Variants in SLC30A3 observed in about 807,000 individuals in gnomAD.
SLC30A3 encodes the protein solute carrier family 30 member 3, also known as probable proton-coupled zinc antiporter SLC30A3.
Under a neutral mutation model 35.6 loss-of-function variants are expected in SLC30A3, and 20 were observed. That is an observed-to-expected ratio of 0.56 (90% confidence interval 0.39 to 0.82). The LOEUF (loss-of-function observed/expected upper bound fraction) is 0.82. SLC30A3 is among the 40% of genes least tolerant of loss of function. SLC30A3 has a pLI of 0.00. For missense variants in SLC30A3, 401 were observed against 530.6 expected (o/e 0.76, Z 2.40); for synonymous variants, 217 against 224.7 (o/e 0.97, Z 0.31).
At chr2:27,259,592 A>G (rs1677071452) in intron 1 of SLC30A3, among the ~76,000 whole-genome samples, 1 of 151,942 alleles carries the variant, frequency 6.6e-6, no homozygotes, top group African/African-American at 2.4e-5. Context: ...GCCTCAAGCG[A>G]TCCTCCTACC....
intron 1 of SLC30A3, 75 bp from the exon 2 acceptor site, chr2:27,259,009 G>T: frequency 2.4e-6 from 3 of 1,230,670 alleles, no homozygotes; most frequent in Non-Finnish European, 3.4e-6. Flanking sequence ...TTAGTCCCCA[G>T]TGCTGGCCTC....
chr2:27,266,885 G>T (rs909560160), upstream of SLC30A3, among the ~76,000 whole-genome samples: 1 of 152,158 alleles, frequency 6.6e-6, no homozygotes, highest in Non-Finnish European at 1.5e-5. Context: ...TGACAGGTGA[G>T]ATTCCATCTC....
In SLC30A3 at chr2:27,258,796, A is replaced by G; in HGVS notation, c.234T>C (p.Ala78=). The part of the protein sequence containing the change: ...ERLHARRQLY[A]ACAVCFVFMA... ...TGAAGACAAAGCAAACGGCACAGGC[A>G]GCATATAGCTGCCTCCGTGCATGCA... The change falls in exon 2 of 8, where the codon GCT becomes GCC. Residue 78 remains alanine, a synonymous_variant. Coordinates refer to ENST00000233535, the MANE Select transcript of SLC30A3 (RefSeq NM_003459.5). The surrounding 1 kb of genome is among the most constrained non-coding windows in gnomAD (Gnocchi z 4.0). 3.7e-6 allele frequency: 6 copies of G among 1,614,246 alleles called. No homozygotes were observed. Among genetic ancestry groups the G allele is most frequent in the Non-Finnish European group, 3.4e-6 (4 of 1,180,040 alleles).
chr2:27,263,899 C>T, upstream of SLC30A3: 1 of 513,152 alleles, frequency 1.9e-6, no homozygotes, highest in East Asian at 6.9e-5. Flanking sequence ...GGCAGCGGGG[C>T]AGCGTGTCAG....
At chr2:27,275,306 G>A (rs1677962868) in exon 1 of SLC30A3, 3 of 948,874 alleles carry the variant, frequency 3.2e-6, no homozygotes, top group Non-Finnish European at 3.0e-6. Context: ...TGGCAGCAAC[G>A]CTCCTACGCT....
At chr2:27,263,220 C>T, upstream of SLC30A3, 2 of 764,714 alleles carry the variant, frequency 2.6e-6, no homozygotes, top group South Asian at 2.0e-5. Context: ...GCCCCGCCAC[C>T]CGAGTTCTGG....
At chr2:27,274,958 C>A (rs1677937273) in intron 1 of SLC30A3, among the ~76,000 whole-genome samples, 1 of 152,150 alleles carries the variant, frequency 6.6e-6, no homozygotes, top group Non-Finnish European at 1.5e-5. Context: ...GCAAACTCAT[C>A]ATTACGATAT....
At chr2:27,259,701 T>C (rs1430416479) in intron 1 of SLC30A3, among the ~76,000 whole-genome samples, 1 of 151,918 alleles carries the variant, frequency 6.6e-6, no homozygotes, top group Admixed American at 6.6e-5. Context: ...GCTCACAGAG[T>C]TGGGGGACAC....
At chr2:27,264,001 G>A, upstream of SLC30A3, 1 of 1,281,574 alleles carries the variant, frequency 7.8e-7, no homozygotes, top group Non-Finnish European at 1.0e-6. This position sits in a 1 kb window ranked among gnomAD's most constrained non-coding sequence, Gnocchi z 6.1. Context: ...AGGGGAGGGA[G>A]CGACTTACAG....
At chr2:27,275,118 G>T in intron 1 of SLC30A3, 1 of 1,183,276 alleles carries the variant, frequency 8.5e-7, no homozygotes, top group Non-Finnish European at 1.1e-6. Context: ...AGAGCCCTAA[G>T]TCCTGAAGAC....
chr2:27,275,451 G>C, upstream of SLC30A3: 1 of 351,132 alleles, frequency 2.8e-6, no homozygotes, highest in Non-Finnish European at 5.6e-6. Context: ...CCTCAGCGTC[G>C]ACGCTGCGCA....
chr2:27,262,798 C>T lies in SLC30A3; in HGVS notation c.95+14G>A. 6.4e-7 allele frequency: 1 copy of T among 1,554,470 alleles called. No homozygotes were observed. Among genetic ancestry groups the T allele is most frequent in the South Asian group, 1.2e-5 (1 of 84,262 alleles). The stretch of plus-strand genomic sequence containing the variant: ...GGCGCCCCCGGGCCGAGGGCCAGCC[C>T]AGGTCTGTCCTACCTCTTCAAACGC... On this transcript the variant is annotated intron_variant, in intron 1 of 7. Transcript: ENST00000233535. This position sits in a 1 kb window ranked among gnomAD's most constrained non-coding sequence, Gnocchi z 7.5.
At chr2:27,256,648 G>T in intron 6 of SLC30A3, 128 bp from the exon 7 acceptor site, 1 of 1,380,064 alleles carries the variant, frequency 7.2e-7, no homozygotes, top group Non-Finnish European at 1.0e-6. Context: ...TTCACCCTAT[G>T]CCCAAATCCT....
chr2:27,257,323 G>C lies in SLC30A3; in HGVS notation c.608C>G (p.Pro203Arg), dbSNP rs555500903. The change falls in exon 5 of 8, where the codon CCC becomes CGC. Residue 203 changes from proline to arginine, a missense_variant. Coordinates refer to ENST00000233535, the MANE Select transcript of SLC30A3 (RefSeq NM_003459.5). The surrounding 1 kb of genome is among the most constrained non-coding windows in gnomAD (Gnocchi z 4.7). ...LMAFVLHQAGPPHSHGSRGAE... is the reference protein window; with the variant it reads ...LMAFVLHQAGRPHSHGSRGAE... The stretch of plus-strand genomic sequence containing the variant: ...TCCCCTAGACCCGTGGCTGTGGGGG[G>C]GCCCAGCCTGGTGCAGCACAAAGGC... The C allele has an allele frequency of 3.1e-6, 5 of 1,613,200 alleles. No homozygotes were observed. The highest frequency in any genetic ancestry group is 1.1e-5 in the South Asian group (1 of 90,972).
rs1002807578 is a variant in SLC30A3, at chr2:27,257,536, C to T, written c.579-184G>A. On this transcript the variant is annotated intron_variant, in intron 4 of 7. Transcript: ENST00000233535. This position sits in a 1 kb window ranked among gnomAD's most constrained non-coding sequence, Gnocchi z 4.7. ...AGACTTGGTGCCACACATGTGGATT[C>T]GGAAGCTGGCCCTGTTACTTAAATA... 6 of 641,500 alleles carry T rather than the reference C, an allele frequency of 9.4e-6. No homozygotes were observed. Among genetic ancestry groups the T allele is most frequent in the South Asian group, 1.9e-5 (1 of 52,828 alleles). 39.7% of individuals were successfully genotyped at this position (641,500 alleles called of 1,614,324 possible).
chr2:27,273,718 T>A (rs760897677), intron 1 of SLC30A3, among the ~76,000 whole-genome samples: 2 of 152,142 alleles, frequency 1.3e-5, no homozygotes, highest in Non-Finnish European at 2.9e-5. Context: ...TCAGCAGTCA[T>A]CACGTCTGCT....
rs370930833 is a variant in SLC30A3 at position 27,270,938 on chromosome 2, T to G, written c.-159+4239A>C. Among the ~76,000 whole-genome samples the G allele has an allele frequency of 7.9e-5, 12 of 152,236 alleles. No homozygotes were observed. In the East Asian group the frequency reaches 2.3e-3, roughly 29 times the overall value. ...GAGGATGTGAATATCCCCCACAGCTTTGGTCTGTCTGTAGATTTGGACTTT... is the reference window on the plus strand; with the variant it reads ...GAGGATGTGAATATCCCCCACAGCTGTGGTCTGTCTGTAGATTTGGACTTT... On this transcript the variant is annotated intron_variant, in intron 1 of 5. Transcript: ENST00000424577.
At position 27,271,071 on chromosome 2, in the gene SLC30A3, C is replaced by T. The variant is rs960960664; in HGVS notation, c.-159+4106G>A. On this transcript the variant is annotated intron_variant, in intron 1 of 5. Transcript: ENST00000424577. This position sits in a 1 kb window ranked among gnomAD's most constrained non-coding sequence, Gnocchi z 4.3. ...CAGGTCAATCCGCCTTTCTGGGCTG[C>T]ACTTTCTTCAATTATAAAATGAAGG... 6.6e-6 allele frequency among the ~76,000 whole-genome samples: 1 copy of T among 152,144 alleles called. No individual in the cohort carries two copies. The highest frequency in any genetic ancestry group is 1.5e-5 in the Non-Finnish European group (1 of 68,042).
At position 27,257,520 on chromosome 2, in the gene SLC30A3, G is replaced by A. The variant is rs1218208430; in HGVS notation, c.579-168C>T. ...TGGGGGAAAGAATACCAGACTTGGT[G>A]CCACACATGTGGATTCGGAAGCTGG... On this transcript the variant is annotated intron_variant, in intron 4 of 7. Transcript: ENST00000233535. This position sits in a 1 kb window ranked among gnomAD's most constrained non-coding sequence, Gnocchi z 4.7. 108 of 685,624 alleles carry A rather than the reference G, an allele frequency of 1.6e-4. 2 individuals carry two copies. In the South Asian group the frequency reaches 1.8e-3, roughly 11 times the overall value. 42.5% of individuals were successfully genotyped at this position (685,624 alleles called of 1,614,324 possible).
Sources: gnomAD v4.1 joint callset for allele counts (sites outside exome capture counted in the v4.1 genomes callset) on GRCh38, gnomAD v4.1.1 for gene constraint, Gnocchi (gnomAD v3.1) non-coding constraint, MANE v1.5 for transcripts, NCBI Gene and HGNC (gene_info 2026-07-23, HGNC 2026-07-21) for gene names.